The following PPP1R12A variants were observed in gnomAD, a reference collection of about 807,000 sequenced individuals.
PPP1R12A encodes the protein protein phosphatase 1 regulatory subunit 12A.
A neutral mutation model predicts 139.6 loss-of-function variants in PPP1R12A; 19 were observed. The observed-to-expected ratio is 0.14, with a 90% CI of 0.09 to 0.20. The LOEUF (loss-of-function observed/expected upper bound fraction) is 0.20, where lower values mean the gene tolerates loss of function less well. PPP1R12A is among the 10% of genes least tolerant of loss of function. PPP1R12A has a pLI of 1.00. For synonymous variants in PPP1R12A, 427 were observed against 420.6 expected (o/e 1.02, Z -0.19); for missense variants, 925 against 1,211.5 (o/e 0.76, Z 3.51).
At chr12:79,933,180 C>A (rs935155972) in intron 1 of PPP1R12A, among the ~76,000 whole-genome samples, 1 of 152,166 alleles carries the variant, frequency 6.6e-6, no homozygotes, top group Non-Finnish European at 1.5e-5. Context: ...ATTGAGAAAG[C>A]GCTAGACACC....
rs977895147 is a variant in PPP1R12A, at chr12:79,882,876, T to C, written c.238-9938A>G. Among the ~76,000 whole-genome samples, 18 of 152,226 alleles carry C rather than the reference T, an allele frequency of 1.2e-4. 1 individual carries two copies. The South Asian group carries it at 3.5e-3, about 30-fold the overall frequency. On this transcript the variant is annotated intron_variant, in intron 1 of 24. Transcript: ENST00000450142. ...CCACTAGGCCAGGCGCGGTGGCTCATGCCTGTAATCCTAGCACTTTGGGAG... is the reference window on the plus strand; with the variant it reads ...CCACTAGGCCAGGCGCGGTGGCTCACGCCTGTAATCCTAGCACTTTGGGAG...
chr12:79,790,064 G>C (rs1871635743), intron 20 of PPP1R12A, among the ~76,000 whole-genome samples: 1 of 151,996 alleles, frequency 6.6e-6, no homozygotes, highest in South Asian at 2.1e-4. Context: ...TAGGATTAAG[G>C]GTTGAGCTAG....
Position 79,875,604 on chromosome 12 carries a change from T to C in PPP1R12A, c.238-2666A>G, listed in dbSNP as rs115848599. Among the ~76,000 whole-genome samples, 770 of 152,310 alleles carry C rather than the reference T, an allele frequency of 5.1e-3. 4 individuals are homozygous for C. Among genetic ancestry groups the C allele is most frequent in the African/African-American group, 0.018 (730 of 41,566 alleles). ...AAAGTGTTTCTAATAAACTGATCAG[T>C]AGACATATTAATTTACACACTGTCA... On this transcript the variant is annotated intron_variant, in intron 1 of 24. Coordinates refer to ENST00000450142, the MANE Select transcript of PPP1R12A (RefSeq NM_002480.3).
At chr12:79,833,440 G>A (rs534761379) in intron 3 of PPP1R12A, among the ~76,000 whole-genome samples, 22 of 152,086 alleles carry the variant, frequency 1.4e-4, no homozygotes, top group African/African-American at 2.7e-4. Flanking sequence ...AGCACACACC[G>A]CAATGCATTT....
At chr12:79,824,563 G>C (rs1394058878) in intron 5 of PPP1R12A, among the ~76,000 whole-genome samples, 2 of 152,140 alleles carry the variant, frequency 1.3e-5, no homozygotes, top group Non-Finnish European at 2.9e-5. Flanking sequence ...AATCAAATTA[G>C]AGTAAAATGT....
At chr12:79,892,314 C>T (rs139945902) in intron 1 of PPP1R12A, among the ~76,000 whole-genome samples, 15 of 152,106 alleles carry the variant, frequency 9.9e-5, no homozygotes, top group Non-Finnish European at 2.1e-4. Flanking sequence ...ATGCCCAATC[C>T]GAAATTATAA....
chr12:79,835,935 CAACTA>C (rs1878021893), intron 3 of PPP1R12A, among the ~76,000 whole-genome samples: 1 of 152,154 alleles, frequency 6.6e-6, no homozygotes, highest in African/African-American at 2.4e-5. Flanking sequence ...TTTTCCAAGA[CAACTA>C]AACTGCTCAT....
At chr12:79,861,024 T>C (rs1030855358) in intron 2 of PPP1R12A, among the ~76,000 whole-genome samples, 3 of 152,172 alleles carry the variant, frequency 2.0e-5, no homozygotes, top group Non-Finnish European at 2.9e-5. Flanking sequence ...AAAAACACTT[T>C]GGTGCTGATT....
At chr12:79,859,535 A>G (rs1460091009) in intron 2 of PPP1R12A, among the ~76,000 whole-genome samples, 1 of 152,106 alleles carries the variant, frequency 6.6e-6, no homozygotes, top group East Asian at 1.9e-4. Flanking sequence ...CGCCACACAT[A>G]TTTCAAAGTT....
rs1880288250 is a variant in PPP1R12A, at chr12:79,853,466, G to A, written c.369-8046C>T. ...CGTATAATATTCAGAGTTTTTAGTT[G>A]TACTCAGCATATAGTACAATTAATT... On this transcript the variant is annotated intron_variant, in intron 2 of 24. Transcript: ENST00000450142. Among the ~76,000 whole-genome samples the A allele has an allele frequency of 2.0e-5, 3 of 152,124 alleles. No individual in the cohort carries two copies. The South Asian group carries it at 6.2e-4, about 31-fold the overall frequency.
chr12:79,925,266 G>A (rs993000788), intron 1 of PPP1R12A, among the ~76,000 whole-genome samples: 3 of 152,156 alleles, frequency 2.0e-5, no homozygotes, highest in African/African-American at 4.8e-5. Flanking sequence ...GTGTACGTGT[G>A]TGTGTGTGTG....
chr12:79,867,320 G>A (rs1273248180), intron 2 of PPP1R12A, among the ~76,000 whole-genome samples: 2 of 152,094 alleles, frequency 1.3e-5, no homozygotes, highest in African/African-American at 4.8e-5. Context: ...GGTCTGTGGG[G>A]GGTGGGGGGT....
At chr12:79,929,254 C>T (rs1592850541) in intron 1 of PPP1R12A, among the ~76,000 whole-genome samples, 2 of 152,298 alleles carry the variant, frequency 1.3e-5, no homozygotes, top group African/African-American at 2.4e-5. Context: ...GCTAGCTTGC[C>T]AGTGTGTCGC....
intron 9 of PPP1R12A, among the ~76,000 whole-genome samples, chr12:79,815,524 G>GAA (rs796393176): frequency 4.1e-5 from 4 of 96,604 alleles, no homozygotes; most frequent in Admixed American, 1.0e-4. Context: ...GCCTCAAAAA[G>GAA]AAAAAAAAAA....
At chr12:79,778,120 C>T (rs986505003) in intron 24 of PPP1R12A, among the ~76,000 whole-genome samples, 3 of 152,054 alleles carry the variant, frequency 2.0e-5, no homozygotes, top group Non-Finnish European at 4.4e-5. Context: ...TGTTCACTCC[C>T]CTAATGTCCT....
chr12:79,789,755 G>T, intron 20 of PPP1R12A: 1 of 393,046 alleles, frequency 2.5e-6, no homozygotes, highest in Admixed American at 3.6e-5. Flanking sequence ...CTGAAAAGAT[G>T]GATAATTTTG....
rs867486494 is a variant in PPP1R12A at position 79,807,307 on chromosome 12, C to T, written c.1574G>A (p.Ser525Asn). The change falls in exon 12 of 25, where the codon AGT becomes AAT. Residue 525 changes from serine (S) to asparagine (N), a missense_variant. Physicochemically the swap from Ser to Asn is conservative, Grantham distance 46. This residue lies in a region of PPP1R12A where 403 missense variants were observed against 463.7 expected (regional missense o/e 0.87). Coordinates refer to ENST00000450142, the MANE Select transcript of PPP1R12A (RefSeq NM_002480.3). Reference protein sequence around the residue: ...ENRDSSSLRTSSSYTRRKWED... With the variant: ...ENRDSSSLRTNSSYTRRKWED... ...CCATTTTCTCCTTGTATATGAACTA[C>T]TTGTTCGCAAACTTGAAGAATCTCT... 1 of 1,552,302 alleles carries T rather than the reference C, an allele frequency of 6.4e-7. No homozygotes were observed. The highest frequency in any genetic ancestry group is 8.7e-7 in the Non-Finnish European group (1 of 1,146,748).
chr12:79,926,137 T>A (rs1364218256), intron 1 of PPP1R12A, among the ~76,000 whole-genome samples: 1 of 152,204 alleles, frequency 6.6e-6, no homozygotes, highest in African/African-American at 2.4e-5. Context: ...AACTGAAGCG[T>A]CTATTGATAA....
chr12:79,929,459 G>C (rs545182374), intron 1 of PPP1R12A, among the ~76,000 whole-genome samples: 9 of 152,222 alleles, frequency 5.9e-5, no homozygotes, highest in Non-Finnish European at 1.3e-4. Flanking sequence ...TTAATAGAAA[G>C]GAGGTCGATA....
Sources: gnomAD v4.1 joint callset for allele counts (sites outside exome capture counted in the v4.1 genomes callset) on GRCh38, gnomAD v4.1.1 for gene constraint, gnomAD v4.1.1 regional missense constraint, MANE v1.5 for transcripts, NCBI Gene and HGNC (gene_info 2026-07-23, HGNC 2026-07-21) for gene names.